The following OPCML variants were observed in gnomAD, a reference collection of about 807,000 sequenced individuals.
OPCML encodes opioid binding protein/cell adhesion molecule like, also known as opioid-binding protein/cell adhesion molecule.
A neutral mutation model predicts 37.8 loss-of-function variants in OPCML; 13 were observed. The ratio of observed to expected loss-of-function variants is 0.34; its 90% CI spans 0.22 to 0.55. The LOEUF (loss-of-function observed/expected upper bound fraction) is 0.55, where lower values mean the gene tolerates loss of function less well. Ranked by LOEUF, OPCML falls within the 20% of genes least tolerant of loss-of-function variation. OPCML has a pLI of 0.91. For missense variants in OPCML, 341 were observed against 435.6 expected, an observed-to-expected ratio of 0.78 and a Z score of 1.93; for synonymous variants, 176 against 168.8, an observed-to-expected ratio of 1.04 and a Z score of -0.33.
chr11:132,465,281 A>G (rs548874437), intron 4 of OPCML, among the ~76,000 whole-genome samples: 2 of 152,020 alleles, frequency 1.3e-5, no homozygotes, highest in Non-Finnish European at 2.9e-5. Flanking sequence ...AGGCTACCCA[A>G]TTGGTCTACA....
At chr11:133,083,170 C>G (rs1948765561) in intron 1 of OPCML, among the ~76,000 whole-genome samples, 1 of 152,184 alleles carries the variant, frequency 6.6e-6, no homozygotes, top group Middle Eastern at 3.4e-3. Context: ...ACACACCCCG[C>G]CGAGCGGGCC....
chr11:132,827,086 G>T (rs1425297140), intron 2 of OPCML, among the ~76,000 whole-genome samples: 1 of 152,102 alleles, frequency 6.6e-6, no homozygotes, highest in African/African-American at 2.4e-5. Flanking sequence ...ACAGAAAGTT[G>T]CCTTTTTAAA....
At position 132,893,438 on chromosome 11, in the gene OPCML, CT is replaced by C. The variant is rs1280922343; in HGVS notation, c.146+49487del. 2.6e-5 allele frequency among the ~76,000 whole-genome samples: 4 copies of C among 152,316 alleles called. No individual in the cohort carries two copies. In the East Asian group the frequency reaches 7.7e-4, roughly 29 times the overall value. On this transcript the variant is annotated intron_variant, in intron 2 of 7. Coordinates refer to ENST00000524381, the MANE Select transcript of OPCML (RefSeq NM_001012393.5). ...GCACTCAGCTAGCCCATCACCTGTG[CT>C]TTTGTTTGGTTCCCTGGGATCATCA...
chr11:133,437,417 G>A (rs2136929694), intron 1 of OPCML, among the ~76,000 whole-genome samples: 1 of 152,244 alleles, frequency 6.6e-6, no homozygotes, highest in South Asian at 2.1e-4. Context: ...CAGTGTAAAC[G>A]CTTCAGCATC....
chr11:133,343,859 T>C (rs1333252396), intron 1 of OPCML, among the ~76,000 whole-genome samples: 1 of 152,192 alleles, frequency 6.6e-6, no homozygotes, highest in Non-Finnish European at 1.5e-5. Flanking sequence ...TTTATAAATA[T>C]CTCTGTACAA....
chr11:132,581,223 T>C (rs534843406), intron 3 of OPCML, among the ~76,000 whole-genome samples: 62 of 152,300 alleles, frequency 4.1e-4, no homozygotes, highest in Admixed American at 6.5e-4. Flanking sequence ...CCCAGTTACA[T>C]GGGTTATAGT....
intron 2 of OPCML, among the ~76,000 whole-genome samples, chr11:132,813,035 TTAAAA>T (rs1355796594): frequency 1.3e-5 from 2 of 152,242 alleles, no homozygotes; most frequent in Admixed American, 6.5e-5. Flanking sequence ...TCAAGTTAAT[TTAAAA>T]TAAAACTCAA....
At chr11:132,660,365 A>G (rs1208298063) in intron 2 of OPCML, among the ~76,000 whole-genome samples, 1 of 152,232 alleles carries the variant, frequency 6.6e-6, no homozygotes, top group Non-Finnish European at 1.5e-5. Context: ...AATTTCAATG[A>G]TCTCGCAGCT....
chr11:132,479,634 C>T (rs1327008417), intron 4 of OPCML, among the ~76,000 whole-genome samples: 1 of 152,204 alleles, frequency 6.6e-6, no homozygotes, highest in African/African-American at 2.4e-5. Flanking sequence ...TGTCTGACAG[C>T]TTTGAAGAGA....
rs35655846 is a variant in OPCML at position 133,440,730 on chromosome 11, GAA to G, written c.61+91532_61+91533del. Among the ~76,000 whole-genome samples, 639 of 110,382 alleles carry G rather than the reference GAA, an allele frequency of 5.8e-3. 7 individuals carry two copies. The highest frequency in any genetic ancestry group is 0.019 in the African/African-American group (595 of 31,358). The allele number at this position is 110,382 out of a possible 152,430, so 72.4% of individuals were successfully genotyped here. A position where few individuals can be genotyped will look rare whatever the true frequency, so the allele number is the denominator to read the frequency against. On this transcript the variant is annotated intron_variant, in intron 1 of 7. Coordinates refer to ENST00000524381, the MANE Select transcript of OPCML (RefSeq NM_001012393.5). ...AACAAGAACGAAACTCCCTCTCAGGGAAAAAAAAAAAAAAACAGAAACCTACA... is the reference window on the plus strand; with the variant it reads ...AACAAGAACGAAACTCCCTCTCAGGGAAAAAAAAAAAAACAGAAACCTACA...
At chr11:132,480,656 C>A (rs898484802) in intron 4 of OPCML, among the ~76,000 whole-genome samples, 1 of 152,188 alleles carries the variant, frequency 6.6e-6, no homozygotes, top group African/African-American at 2.4e-5. Flanking sequence ...GCCCATCAGA[C>A]TAACAGCGGA....
chr11:132,906,299 T>A (rs1252748818), intron 2 of OPCML, among the ~76,000 whole-genome samples: 1 of 152,236 alleles, frequency 6.6e-6, no homozygotes, highest in East Asian at 1.9e-4. Context: ...TAAAAATGTA[T>A]GTTCTACTCA....
intron 4 of OPCML, among the ~76,000 whole-genome samples, chr11:132,473,344 T>G (rs1485928895): frequency 5.3e-5 from 8 of 152,204 alleles, no homozygotes. Flanking sequence ...TGGATGCTAC[T>G]CCCTTATGGG....
At chr11:132,478,557 G>A (rs905659258) in intron 4 of OPCML, among the ~76,000 whole-genome samples, 1 of 152,148 alleles carries the variant, frequency 6.6e-6, no homozygotes, top group African/African-American at 2.4e-5. Context: ...AACATTGGGG[G>A]AATAAAGTCC....
intron 3 of OPCML, among the ~76,000 whole-genome samples, chr11:132,609,835 A>G (rs1272279147): frequency 2.6e-5 from 4 of 152,160 alleles, no homozygotes; most frequent in Admixed American, 6.5e-5. Context: ...TCTGATCGAT[A>G]TCTGTATCTC....
chr11:132,532,960 T>C (rs182269789), intron 3 of OPCML, among the ~76,000 whole-genome samples: 10 of 152,340 alleles, frequency 6.6e-5, no homozygotes, highest in Non-Finnish European at 1.2e-4. Context: ...TTTTAAGTGC[T>C]TCTCCGTATT....
At chr11:133,286,134 A>G (rs904707219) in intron 1 of OPCML, among the ~76,000 whole-genome samples, 1 of 152,040 alleles carries the variant, frequency 6.6e-6, no homozygotes, top group African/African-American at 2.4e-5. Context: ...TTCTAAATCC[A>G]TGTCTCCAGA....
intron 3 of OPCML, among the ~76,000 whole-genome samples, chr11:132,532,259 C>T (rs1259805584): frequency 1.3e-5 from 2 of 152,104 alleles, no homozygotes; most frequent in African/African-American, 4.8e-5. Flanking sequence ...TGTCTGCTTT[C>T]CTCTGTAGCT....
At chr11:133,004,118 C>G in intron 1 of OPCML, 7 of 985,352 alleles carry the variant, frequency 7.1e-6, no homozygotes, top group Non-Finnish European at 8.4e-6. Context: ...AAGTTGGACA[C>G]CCACACATCT....
Sources: allele counts gnomAD v4.1 joint callset (sites outside exome capture counted in the v4.1 genomes callset), GRCh38; gene constraint gnomAD v4.1.1; transcripts MANE v1.5; gene names NCBI Gene and HGNC (gene_info 2026-07-23, HGNC 2026-07-21).